Variants in MAN1A2 observed in about 807,000 individuals in gnomAD.
MAN1A2 encodes the protein mannosidase alpha class 1A member 2.
In MAN1A2, 26 loss-of-function variants were observed where a neutral mutation model predicts 75.7. The observed-to-expected ratio is 0.34, with a 90% CI of 0.25 to 0.48. MAN1A2 has a LOEUF of 0.48. Among genes scored for constraint, MAN1A2 ranks in the 20% least tolerant of loss-of-function variants. The pLI, the probability that MAN1A2 is intolerant of heterozygous loss-of-function variation, is 0.99. For synonymous variants in MAN1A2, 247 were observed against 264.6 expected, an observed-to-expected ratio of 0.93 and a Z score of 0.65; for missense variants, 562 against 775.5, an observed-to-expected ratio of 0.72 and a Z score of 3.27.
Position 117,485,686 on chromosome 1 carries a change from C to T in MAN1A2, c.1169-7461C>T, listed in dbSNP as rs556131597. ...CTCTACCTGAAATCCTTATGTTCCA[C>T]CTCCATCCCTGGTATTTACCACTAG... On this transcript the variant is annotated intron_variant, in intron 8 of 12. Coordinates refer to ENST00000356554, the MANE Select transcript of MAN1A2 (RefSeq NM_006699.5). Among the ~76,000 whole-genome samples the T allele has an allele frequency of 8.5e-5, 13 of 152,090 alleles. No individual in the cohort carries two copies. The South Asian group carries it at 2.7e-3, about 32-fold the overall frequency.
At chr1:117,371,377 A>ATTTTGT (rs1652961851) in intron 1 of MAN1A2, among the ~76,000 whole-genome samples, 1 of 152,162 alleles carries the variant, frequency 6.6e-6, no homozygotes, top group Non-Finnish European at 1.5e-5. Flanking sequence ...TAAATAAATA[A>ATTTTGT]TTTTGTTTTT....
chr1:117,405,859 T>A (rs1326336807), intron 3 of MAN1A2, among the ~76,000 whole-genome samples: 3 of 152,216 alleles, frequency 2.0e-5, no homozygotes, highest in African/African-American at 7.2e-5. Flanking sequence ...TACATATGGA[T>A]GCTTTAGTCA....
chr1:117,398,790 A>T (rs959322509), intron 1 of MAN1A2, among the ~76,000 whole-genome samples: 2 of 152,212 alleles, frequency 1.3e-5, no homozygotes, highest in Non-Finnish European at 1.5e-5. Flanking sequence ...GAATTTCTTA[A>T]TAGGCCATAA....
chr1:117,445,595 C>T (rs974326888), intron 6 of MAN1A2, among the ~76,000 whole-genome samples: 3 of 151,778 alleles, frequency 2.0e-5, no homozygotes, highest in Admixed American at 1.3e-4. Context: ...GGCACAATCA[C>T]AGCTCACTGC....
intron 5 of MAN1A2, among the ~76,000 whole-genome samples, chr1:117,429,428 G>C (rs1385915399): frequency 2.3e-5 from 3 of 130,334 alleles, no homozygotes; most frequent in South Asian, 2.6e-4. Context: ...GGCCGGGCAG[G>C]GGGGCTGACC....
chr1:117,379,665 A>G (rs1299201825), intron 1 of MAN1A2, among the ~76,000 whole-genome samples: 1 of 152,082 alleles, frequency 6.6e-6, no homozygotes, highest in Non-Finnish European at 1.5e-5. Flanking sequence ...GCCTCTGACA[A>G]CCATCAGTCT....
chr1:117,441,735 A>G (rs530605838), intron 5 of MAN1A2, among the ~76,000 whole-genome samples: 51 of 152,330 alleles, frequency 3.3e-4, no homozygotes, highest in African/African-American at 1.1e-3. Context: ...TGAAGCATTT[A>G]TAACTCTCAA....
At chr1:117,507,021 T>C (rs1393881651) in intron 12 of MAN1A2, among the ~76,000 whole-genome samples, 1 of 151,718 alleles carries the variant, frequency 6.6e-6, no homozygotes, top group Non-Finnish European at 1.5e-5. Context: ...TATTGAACGA[T>C]AAACATGTAA....
chr1:117,368,403 T>C lies in MAN1A2; in HGVS notation c.220T>C (p.Leu74=). The change falls in exon 1 of 13, where the codon TTA becomes CTA. Residue 74 remains leucine (L), a synonymous_variant. Coordinates refer to ENST00000356554, the MANE Select transcript of MAN1A2 (RefSeq NM_006699.5). ...CTTTGATTTGGGTTTAGAAGATGTG[T>C]TAATTCCACATGTAGATGCCGGTAA... ...KRFDLGLEDV[L]IPHVDAGKGA... The C allele has an allele frequency of 6.2e-7, 1 of 1,614,152 alleles. No homozygotes were observed. The highest frequency in any genetic ancestry group is 8.5e-7 in the Non-Finnish European group (1 of 1,180,004).
At chr1:117,493,703 C>A (rs970032185) in intron 9 of MAN1A2, 3 of 153,064 alleles carry the variant, frequency 2.0e-5, no homozygotes, top group African/African-American at 7.2e-5. Context: ...ATCGCTTGAA[C>A]CTGGAAGGCA....
At chr1:117,403,065 G>T (rs1647494440) in intron 2 of MAN1A2, among the ~76,000 whole-genome samples, 1 of 152,084 alleles carries the variant, frequency 6.6e-6, no homozygotes, top group Admixed American at 6.6e-5. Context: ...GAATATTTGG[G>T]TTAAACTTTG....
Position 117,455,506 on chromosome 1 carries a change from TAAAAAG to T in MAN1A2, c.951-4977_951-4972del, listed in dbSNP as rs1428450168. 1.7e-4 allele frequency among the ~76,000 whole-genome samples: 26 copies of T among 152,192 alleles called. No homozygotes were observed. The East Asian group carries it at 4.0e-3, about 24-fold the overall frequency. On this transcript the variant is annotated intron_variant, in intron 6 of 12. Transcript: ENST00000356554. ...TGTAAATTATACGTCAGTATATACT[TAAAAAG>T]AAAAATAAACCAGATCCTACACTTG...
At chr1:117,458,518 TA>T (rs1268575723) in intron 6 of MAN1A2, among the ~76,000 whole-genome samples, 10 of 120,016 alleles carry the variant, frequency 8.3e-5, no homozygotes, top group African/African-American at 2.9e-4. Flanking sequence ...TATAGATATA[TA>T]TATATTTTTT....
intron 6 of MAN1A2, among the ~76,000 whole-genome samples, chr1:117,445,540 G>A (rs1000772500): frequency 6.6e-6 from 1 of 150,768 alleles, no homozygotes; most frequent in Non-Finnish European, 1.5e-5. Flanking sequence ...GAGGGGGCTG[G>A]TTTAGAGACA....
intron 8 of MAN1A2, among the ~76,000 whole-genome samples, chr1:117,483,470 G>A (rs1265533773): frequency 1.3e-5 from 2 of 151,978 alleles, no homozygotes; most frequent in African/African-American, 4.8e-5. Flanking sequence ...TTGTAAGTTG[G>A]ATTCTTAGGT....
chr1:117,462,033 C>G (rs1242645767), intron 7 of MAN1A2, among the ~76,000 whole-genome samples: 1 of 152,060 alleles, frequency 6.6e-6, no homozygotes, highest in Non-Finnish European at 1.5e-5. Flanking sequence ...TTAAACAGAC[C>G]TACATATATG....
At chr1:117,441,313 A>G (rs1415718122) in intron 5 of MAN1A2, among the ~76,000 whole-genome samples, 2 of 152,162 alleles carry the variant, frequency 1.3e-5, no homozygotes, top group Admixed American at 6.5e-5. Context: ...GATTCATTCC[A>G]GATCTTCAAC....
intron 6 of MAN1A2, among the ~76,000 whole-genome samples, chr1:117,452,026 G>A (rs923574843): frequency 2.6e-5 from 4 of 151,968 alleles, no homozygotes; most frequent in Non-Finnish European, 4.4e-5. Context: ...AAAAAACCCA[G>A]CCAGGCACAG....
In MAN1A2 at chr1:117,507,185, C is replaced by G. The variant is rs77126250; in HGVS notation, c.1793+4215C>G. Among the ~76,000 whole-genome samples the G allele has an allele frequency of 2.0e-5, 3 of 151,568 alleles. No individual in the cohort carries two copies. In the East Asian group the frequency reaches 5.8e-4, roughly 29 times the overall value. ...CCAGCATAGAAGATGAAAACAGACC[C>G]ACAACAAGGCACAGCACCTTGGAAT... On this transcript the variant is annotated intron_variant, in intron 12 of 12. Transcript: ENST00000356554.
Sources: gnomAD v4.1 joint callset for allele counts (sites outside exome capture counted in the v4.1 genomes callset) on GRCh38, gnomAD v4.1.1 for gene constraint, MANE v1.5 for transcripts, NCBI Gene and HGNC (gene_info 2026-07-23, HGNC 2026-07-21) for gene names.